The following C2orf76 variants were observed in gnomAD, a reference collection of about 807,000 sequenced individuals.
C2orf76 encodes UPF0538 protein C2orf76.
In C2orf76, 23 loss-of-function variants were observed where a neutral mutation model predicts 16.9. The ratio of observed to expected loss-of-function variants is 1.36; its 90% confidence interval spans 0.98 to 1.93. The LOEUF (loss-of-function observed/expected upper bound fraction) is 1.93. C2orf76 is among the 30% of genes most tolerant of loss of function. The pLI, the probability that C2orf76 is intolerant of heterozygous loss-of-function variation, is 0.00. For synonymous variants in C2orf76, 48 were observed against 52.3 expected, an observed-to-expected ratio of 0.92 and a Z score of 0.35; for missense variants, 152 against 152.6, an observed-to-expected ratio of 1.00 and a Z score of 0.02.
intron 1 of C2orf76, among the ~76,000 whole-genome samples, chr2:119,340,801 C>CAA (rs1437245108): frequency 2.2e-5 from 3 of 137,724 alleles, no homozygotes; most frequent in South Asian, 2.3e-4. Flanking sequence ...CACACACACA[C>CAA]AAATTGGAAA....
intron 2 of C2orf76, among the ~76,000 whole-genome samples, chr2:119,334,379 C>CA (rs34753333): frequency 0.037 from 2,644 of 71,492 alleles, 10 homozygotes; most frequent in East Asian, 0.1. Flanking sequence ...GTATGCAAAG[C>CA]AAAAAAAAAA....
intron 5 of C2orf76, among the ~76,000 whole-genome samples, chr2:119,310,743 G>A (rs1447013571): frequency 2.0e-5 from 3 of 152,186 alleles, no homozygotes; most frequent in Non-Finnish European, 4.4e-5. Flanking sequence ...GCGTGCTGGT[G>A]CACACCTGTG....
intron 3 of C2orf76, 89 bp from the exon 4 acceptor site, chr2:119,317,592 T>C: frequency 2.0e-6 from 2 of 1,009,838 alleles, no homozygotes; most frequent in Non-Finnish European, 3.0e-6. Flanking sequence ...GGCTACGAAA[T>C]TGAGAAATGT....
At chr2:119,348,513 C>G (rs1680277158) in intron 1 of C2orf76, among the ~76,000 whole-genome samples, 1 of 152,050 alleles carries the variant, frequency 6.6e-6, no homozygotes, top group Non-Finnish European at 1.5e-5. Context: ...ATGGTGAAAC[C>G]CTGTCTCTAC....
chr2:119,312,219 G>A (rs565787144), intron 4 of C2orf76, among the ~76,000 whole-genome samples: 7 of 152,106 alleles, frequency 4.6e-5, no homozygotes, highest in South Asian at 2.1e-4. Flanking sequence ...TGGCCAGTCC[G>A]ACTTCTGAGA....
intron 5 of C2orf76, among the ~76,000 whole-genome samples, chr2:119,306,811 A>G (rs945659405): frequency 4.7e-4 from 71 of 152,204 alleles, no homozygotes; most frequent in African/African-American, 1.6e-3. Context: ...CGTCAGGTGT[A>G]GAATGTTCCA....
Position 119,317,461 on chromosome 2 carries a change from C to A in C2orf76, c.222+5G>T. 5.6e-6 allele frequency: 9 copies of A among 1,598,588 alleles called. No homozygotes were observed. The highest frequency in any genetic ancestry group is 7.7e-6 in the Non-Finnish European group (9 of 1,170,624). ...TGTGCCAGATACTGTACCTGTGGAA[C>A]ATACCTTTGATTTATGTGCTTGATG... On this transcript the variant is annotated splice_donor_5th_base_variant and intron_variant, in intron 4 of 5. Transcript: ENST00000334816.
chr2:119,304,232 T>C (rs1370311283), intron 5 of C2orf76, among the ~76,000 whole-genome samples: 2 of 152,266 alleles, frequency 1.3e-5, no homozygotes, highest in Admixed American at 1.3e-4. Flanking sequence ...CACCCTGTTC[T>C]TAATAATCAC....
intron 2 of C2orf76, among the ~76,000 whole-genome samples, chr2:119,334,834 T>C (rs376641393): frequency 6.6e-6 from 1 of 152,278 alleles, no homozygotes; most frequent in Non-Finnish European, 1.5e-5. Context: ...GAAAAAGTGC[T>C]GACCTAAATA....
At chr2:119,319,477 A>G (rs1172505036) in intron 3 of C2orf76, among the ~76,000 whole-genome samples, 1 of 152,216 alleles carries the variant, frequency 6.6e-6, no homozygotes, top group Non-Finnish European at 1.5e-5. Context: ...TTTTCTTAAT[A>G]CAAATTCCTT....
At chr2:119,292,927 C>A in the C2orf76 span, among the ~76,000 whole-genome samples, 1 of 152,112 alleles carries the variant, frequency 6.6e-6, no homozygotes, top group Non-Finnish European at 1.5e-5. Context: ...CCCAGCTACT[C>A]AGGAGGCTGA....
intron 2 of C2orf76, among the ~76,000 whole-genome samples, chr2:119,321,853 C>CACATAT (rs1679353604): frequency 6.7e-6 from 1 of 149,190 alleles, no homozygotes; most frequent in Non-Finnish European, 1.5e-5. Context: ...TTGTGTGAGA[C>CACATAT]ATATATATAT....
intron 2 of C2orf76, among the ~76,000 whole-genome samples, chr2:119,337,243 T>G (rs1679879035): frequency 6.6e-5 from 2 of 30,100 alleles, no homozygotes; most frequent in African/African-American, 4.4e-4. Flanking sequence ...TTTGTTTTGT[T>G]TTTTTTTTGG....
At chr2:119,284,858 A>C in the C2orf76 span, among the ~76,000 whole-genome samples, 1 of 152,176 alleles carries the variant, frequency 6.6e-6, no homozygotes, top group Non-Finnish European at 1.5e-5. Context: ...ATAAATTAAG[A>C]TTTGAATATC....
intron 1 of C2orf76, among the ~76,000 whole-genome samples, chr2:119,357,949 GAAC>G (rs892220157): frequency 1.2e-4 from 19 of 152,158 alleles, no homozygotes; most frequent in Admixed American, 6.5e-4. Flanking sequence ...TGAACACATG[GAAC>G]ACAATATACA....
At chr2:119,306,339 G>A (rs541389856) in intron 5 of C2orf76, among the ~76,000 whole-genome samples, 7 of 152,288 alleles carry the variant, frequency 4.6e-5, no homozygotes, top group South Asian at 4.1e-4. Context: ...GGGGCGAGGC[G>A]TGAACGACAG....
In C2orf76 at chr2:119,355,629, C is replaced by T. The variant is rs939039080; in HGVS notation, c.-13+11161G>A. On this transcript the variant is annotated intron_variant, in intron 1 of 5. Transcript: ENST00000334816. ...TGGTGGCATTAGATTCTCATAGGAGCGTGAACCCTATTGTGAACTGAGCAT... is the reference window on the plus strand; with the variant it reads ...TGGTGGCATTAGATTCTCATAGGAGTGTGAACCCTATTGTGAACTGAGCAT... Among the ~76,000 whole-genome samples the T allele has an allele frequency of 3.3e-5, 5 of 152,232 alleles. No individual in the cohort carries two copies. The South Asian group carries it at 6.2e-4, about 19-fold the overall frequency.
chr2:119,344,473 T>C (rs1342918873), intron 1 of C2orf76, among the ~76,000 whole-genome samples: 1 of 152,174 alleles, frequency 6.6e-6, no homozygotes, highest in Non-Finnish European at 1.5e-5. Flanking sequence ...ATAAATGAAA[T>C]GATAGACAAT....
intron 4 of C2orf76, among the ~76,000 whole-genome samples, chr2:119,314,026 T>TTTG (rs1679085453): frequency 6.7e-6 from 1 of 149,044 alleles, no homozygotes; most frequent in Non-Finnish European, 1.5e-5. Context: ...TTTTTTTTTT[T>TTTG]TTTTTTTTTT....
Sources: gnomAD v4.1 joint callset for allele counts (sites outside exome capture counted in the v4.1 genomes callset) on GRCh38, gnomAD v4.1.1 for gene constraint, MANE v1.5 for transcripts, NCBI Gene and HGNC (gene_info 2026-07-23, HGNC 2026-07-21) for gene names.